MEIKIN: variants seen among roughly 807,000 people sequenced by gnomAD.
MEIKIN encodes meiotic kinetochore factor, also known as meiosis-specific kinetochore protein.
intron 3 of MEIKIN, among the ~76,000 whole-genome samples, chr5:131,943,640 G>A (rs1475750247): frequency 6.6e-6 from 1 of 151,910 alleles, no homozygotes; most frequent in Non-Finnish European, 1.5e-5. Flanking sequence ...AAGCACAGGA[G>A]AAAAGGAACA....
intron 5 of MEIKIN, among the ~76,000 whole-genome samples, chr5:131,930,322 C>T (rs1751667112): frequency 6.6e-6 from 1 of 152,126 alleles, no homozygotes; most frequent in African/African-American, 2.4e-5. Flanking sequence ...ATGTCCTCTG[C>T]CCATTTTTTA....
intron 9 of MEIKIN, among the ~76,000 whole-genome samples, chr5:131,863,069 C>T (rs1421226070): frequency 6.6e-6 from 1 of 152,088 alleles, no homozygotes; most frequent in African/African-American, 2.4e-5. Flanking sequence ...CGGCATCTTG[C>T]TAAGTTTTCA....
At chr5:131,902,637 T>C (rs1481521400) in intron 8 of MEIKIN, among the ~76,000 whole-genome samples, 2 of 152,014 alleles carry the variant, frequency 1.3e-5, no homozygotes, top group Non-Finnish European at 2.9e-5. Flanking sequence ...TTTATAGTAA[T>C]GCAAAAATGA....
intron 11 of MEIKIN, among the ~76,000 whole-genome samples, chr5:131,825,020 A>G (rs1184823096): frequency 6.6e-6 from 1 of 151,432 alleles, no homozygotes; most frequent in Non-Finnish European, 1.5e-5. Flanking sequence ...ACTTCATTTT[A>G]CTGAAAAAAA....
intron 11 of MEIKIN, among the ~76,000 whole-genome samples, chr5:131,825,965 C>G (rs994923854): frequency 6.6e-6 from 1 of 152,062 alleles, no homozygotes; most frequent in Non-Finnish European, 1.5e-5. Context: ...AAATGTGTAC[C>G]AAGAAAAACT....
chr5:131,864,065 G>A (rs1034447973), intron 9 of MEIKIN, among the ~76,000 whole-genome samples: 1 of 152,078 alleles, frequency 6.6e-6, no homozygotes, highest in African/African-American at 2.4e-5. Flanking sequence ...TACAGATAAA[G>A]TGCATTTCTT....
At chr5:131,882,243 A>G (rs1580888121) in intron 8 of MEIKIN, among the ~76,000 whole-genome samples, 1 of 152,292 alleles carries the variant, frequency 6.6e-6, no homozygotes, top group East Asian at 1.9e-4. Flanking sequence ...CTCTTAATCT[A>G]TTCTCCACAT....
At chr5:131,931,836 T>G (rs757063193) in intron 5 of MEIKIN, among the ~76,000 whole-genome samples, 1 of 152,200 alleles carries the variant, frequency 6.6e-6, no homozygotes, top group Non-Finnish European at 1.5e-5. Flanking sequence ...TCTCACATTT[T>G]GTTTTGTTTT....
intron 11 of MEIKIN, among the ~76,000 whole-genome samples, chr5:131,849,881 A>T (rs1171685281): frequency 6.6e-6 from 1 of 152,022 alleles, no homozygotes; most frequent in Admixed American, 6.6e-5. Flanking sequence ...CAAGAAGTAA[A>T]ATTATCTCTG....
At chr5:131,885,359 G>A (rs1229854127) in intron 8 of MEIKIN, among the ~76,000 whole-genome samples, 3 of 17,322 alleles carry the variant, frequency 1.7e-4, no homozygotes, top group African/African-American at 4.0e-4. Context: ...GAGAGAGAGA[G>A]AGAGAGAGAG....
At chr5:131,871,197 A>G (rs10052318) in intron 9 of MEIKIN, among the ~76,000 whole-genome samples, 117,486 of 151,800 alleles carry the variant, frequency 0.77, 45,683 homozygotes, top group Middle Eastern at 0.82. Context: ...GAAGCAGGGC[A>G]AGGAATCACC....
At chr5:131,926,999 T>A (rs1273565814) in intron 5 of MEIKIN, among the ~76,000 whole-genome samples, 1 of 152,210 alleles carries the variant, frequency 6.6e-6, no homozygotes, top group Non-Finnish European at 1.5e-5. Context: ...TTCTGTTCCA[T>A]TTATTTCTGC....
rs1751511766 is a variant in MEIKIN, at chr5:131,921,897, A to G, written c.523T>C (p.Ser175Pro). ...GCTTTACTGGTATCCAGAAGAGTAG[A>G]ATTCTTCCACTGCATGTGTTCTTCC... ...NLEEHMQWKN[S>P]TLLDTSKAVA... The change falls in exon 6 of 13, where the codon TCT becomes CCT. Residue 175 changes from serine to proline, a missense_variant. Transcript: ENST00000442687. The G allele has an allele frequency of 2.5e-6, 1 of 398,892 alleles. No individual in the cohort carries two copies. The highest frequency in any genetic ancestry group is 4.4e-6 in the Non-Finnish European group (1 of 226,048). The allele number at this position is 398,892 out of a possible 1,614,324, so 24.7% of individuals were successfully genotyped here.
At chr5:131,879,683 C>G (rs1403772494) in intron 8 of MEIKIN, among the ~76,000 whole-genome samples, 1 of 152,192 alleles carries the variant, frequency 6.6e-6, no homozygotes, top group Non-Finnish European at 1.5e-5. Context: ...ACTTCCAAAT[C>G]CAAAGTATCC....
At chr5:131,924,373 C>T (rs918140254) in intron 5 of MEIKIN, among the ~76,000 whole-genome samples, 1 of 152,116 alleles carries the variant, frequency 6.6e-6, no homozygotes, top group Admixed American at 6.6e-5. Context: ...GTCATTCTGT[C>T]TTTAATTTTT....
At position 131,898,909 on chromosome 5, in the gene MEIKIN, C is replaced by T. The variant is rs192896588; in HGVS notation, c.703+12906G>A. On this transcript the variant is annotated intron_variant, in intron 8 of 12. Transcript: ENST00000442687. ...GGTAAGGCAATGCCCCGCCCTCCTT[C>T]GGCTTGCCTTCCACGGGCTGTACCC... is the stretch of plus-strand genomic sequence containing the variant. 5.5e-3 allele frequency among the ~76,000 whole-genome samples: 838 copies of T among 152,314 alleles called. 9 individuals are homozygous for T. Among genetic ancestry groups the T allele is most frequent in the African/African-American group, 0.017 (718 of 41,564 alleles).
chr5:131,935,738 C>T (rs980248704), intron 4 of MEIKIN, among the ~76,000 whole-genome samples: 6 of 152,154 alleles, frequency 3.9e-5, no homozygotes, highest in African/African-American at 1.4e-4. Context: ...CTTTGTCCTT[C>T]CTCCTAAGAC....
At chr5:131,877,590 G>A (rs918980391) in intron 9 of MEIKIN, among the ~76,000 whole-genome samples, 1 of 152,160 alleles carries the variant, frequency 6.6e-6, no homozygotes, top group Non-Finnish European at 1.5e-5. Context: ...TTTACAGTGA[G>A]TGGTGAGAGA....
At chr5:131,872,141 G>T (rs575783440) in intron 9 of MEIKIN, among the ~76,000 whole-genome samples, 2 of 152,290 alleles carry the variant, frequency 1.3e-5, no homozygotes, top group South Asian at 4.1e-4. Context: ...GAACAAAGCT[G>T]GACGGAGAAT....
Sources: gnomAD v4.1 joint callset for allele counts (sites outside exome capture counted in the v4.1 genomes callset) on GRCh38, gnomAD v4.1.1 for gene constraint, MANE v1.5 for transcripts, NCBI Gene and HGNC (gene_info 2026-07-23, HGNC 2026-07-21) for gene names.